Variants in C12orf50 observed in about 807,000 individuals in gnomAD.
C12orf50 encodes uncharacterized protein C12orf50.
C12orf50 carries 35 observed loss-of-function variants against 61.6 expected under a neutral mutation model. The ratio of observed to expected loss-of-function variants is 0.57; its 90% CI spans 0.43 to 0.75. The LOEUF is 0.75. Ranked by LOEUF, C12orf50 falls within the 30% of genes least tolerant of loss-of-function variation. The pLI is 0.00. For synonymous variants in C12orf50, 178 were observed against 161.5 expected (o/e 1.10, Z -0.77); for missense variants, 475 against 488.5 (o/e 0.97, Z 0.26).
intron 7 of C12orf50, among the ~76,000 whole-genome samples, chr12:87,994,363 C>T (rs2031282592): frequency 7.0e-6 from 1 of 143,598 alleles, no homozygotes; most frequent in Admixed American, 6.8e-5. Flanking sequence ...TACACACAGA[C>T]ACACACACAC....
chr12:88,013,209 G>GA (rs79216884), intron 3 of C12orf50, among the ~76,000 whole-genome samples: 10 of 151,498 alleles, frequency 6.6e-5, no homozygotes, highest in Non-Finnish European at 1.0e-4. Flanking sequence ...TTGGATGGGG[G>GA]AAAAAAAATA....
At chr12:88,019,590 A>G (rs2032438835) in intron 3 of C12orf50, among the ~76,000 whole-genome samples, 1 of 152,118 alleles carries the variant, frequency 6.6e-6, no homozygotes, top group Non-Finnish European at 1.5e-5. Flanking sequence ...ATCATATTCA[A>G]AATCATAAGG....
At chr12:87,995,527 G>T (rs1487434371) in intron 6 of C12orf50, among the ~76,000 whole-genome samples, 1 of 152,152 alleles carries the variant, frequency 6.6e-6, no homozygotes, top group Admixed American at 6.5e-5. Flanking sequence ...ACGTTTGAAG[G>T]AAATCTAGGT....
intron 4 of C12orf50, 32 bp downstream of exon 4, chr12:87,998,003 T>C (rs1380280269): frequency 6.4e-7 from 1 of 1,564,694 alleles, no homozygotes; most frequent in Non-Finnish European, 8.7e-7. Flanking sequence ...TTTTTGAATG[T>C]GTATTGTAAA....
intron 11 of C12orf50, chr12:87,984,099 G>T (rs1375135293): frequency 6.6e-6 from 1 of 151,494 alleles, no homozygotes; most frequent in African/African-American, 2.4e-5. Context: ...GTGTGAGATG[G>T]TATCTCGTTG....
At chr12:87,992,756 T>G (rs970561302) in intron 7 of C12orf50, among the ~76,000 whole-genome samples, 2 of 152,158 alleles carry the variant, frequency 1.3e-5, no homozygotes, top group African/African-American at 4.8e-5. Context: ...ATGGTTATAT[T>G]GATACATACA....
intron 3 of C12orf50, among the ~76,000 whole-genome samples, chr12:88,012,411 T>C (rs998005172): frequency 2.6e-5 from 4 of 152,210 alleles, no homozygotes; most frequent in Non-Finnish European, 5.9e-5. Flanking sequence ...GAATTATTTA[T>C]AACTAAACAA....
chr12:87,993,452 C>T (rs751568887), intron 7 of C12orf50, among the ~76,000 whole-genome samples: 51 of 152,168 alleles, frequency 3.4e-4, no homozygotes, highest in Non-Finnish European at 4.4e-5. Context: ...AAACTTATTG[C>T]TTCAAGGCAA....
intron 4 of C12orf50, 147 bp from the exon 5 acceptor site, chr12:87,996,793 C>A (rs1225854238): frequency 1.6e-6 from 1 of 610,514 alleles, no homozygotes; most frequent in Non-Finnish European, 2.8e-6. Flanking sequence ...CATACTAGTA[C>A]ATGTTTCAAA....
chr12:87,988,366 T>G (rs2030945320), intron 8 of C12orf50, among the ~76,000 whole-genome samples: 1 of 152,208 alleles, frequency 6.6e-6, no homozygotes, highest in South Asian at 2.1e-4. Context: ...AGTAGGGCTT[T>G]CCACAATGAT....
chr12:88,005,912 G>GTTTTTTTTTTTTTTTTTTTTTT (rs371924944), intron 3 of C12orf50, among the ~76,000 whole-genome samples: 1 of 91,032 alleles, frequency 1.1e-5, no homozygotes, highest in African/African-American at 4.3e-5. Flanking sequence ...TGTTTTTTTG[G>GTTTTTTTTTTTTTTTTTTTTTT]TTTTTTTTTT....
At chr12:88,009,062 G>A (rs996445164) in intron 3 of C12orf50, among the ~76,000 whole-genome samples, 2 of 151,920 alleles carry the variant, frequency 1.3e-5, no homozygotes, top group African/African-American at 2.4e-5. Context: ...CACATTTGAC[G>A]GTTTCTAGCC....
At chr12:88,025,554 C>A (rs1353491723) in intron 3 of C12orf50, among the ~76,000 whole-genome samples, 1 of 152,122 alleles carries the variant, frequency 6.6e-6, no homozygotes, top group Non-Finnish European at 1.5e-5. Context: ...TTTAACCCAA[C>A]CAGCATGGTT....
rs112913565 is a variant in C12orf50 at position 87,991,741 on chromosome 12, C to T, written c.593-2370G>A. 7.9e-5 allele frequency among the ~76,000 whole-genome samples: 12 copies of T among 152,196 alleles called. 1 individual carries two copies. Among genetic ancestry groups the T allele is most frequent in the African/African-American group, 2.9e-4 (12 of 41,536 alleles). Reference sequence around the variant, plus strand: ...GGCTAAAGTTAAAGGACTGAAAATACTAATTGTGGGTAAGGATACAGAGCA... The same window carrying T: ...GGCTAAAGTTAAAGGACTGAAAATATTAATTGTGGGTAAGGATACAGAGCA... On this transcript the variant is annotated intron_variant, in intron 7 of 12. Coordinates refer to ENST00000298699, the MANE Select transcript of C12orf50 (RefSeq NM_152589.3).
chr12:88,004,766 CG>C (rs1291075941), intron 3 of C12orf50, among the ~76,000 whole-genome samples: 1 of 152,136 alleles, frequency 6.6e-6, no homozygotes, highest in Admixed American at 6.5e-5. Context: ...TTATCCTAAG[CG>C]AACTGACACA....
intron 3 of C12orf50, among the ~76,000 whole-genome samples, chr12:88,010,779 C>G (rs1210476438): frequency 6.6e-6 from 1 of 151,578 alleles, no homozygotes; most frequent in Non-Finnish European, 1.5e-5. Context: ...AGAAACTACC[C>G]AATTAGAAAT....
chr12:87,983,433 G>A (rs967770315), intron 11 of C12orf50: 3 of 241,932 alleles, frequency 1.2e-5, no homozygotes, highest in African/African-American at 2.3e-5. Context: ...GGGTACATGT[G>A]CACAATGTGC....
Position 87,994,733 on chromosome 12 carries a change from AAGAC to A in C12orf50, c.488_491del (p.Ser163IlefsTer16). On this transcript the variant is annotated frameshift_variant, in exon 7 of 13. Coordinates refer to ENST00000298699, the MANE Select transcript of C12orf50 (RefSeq NM_152589.3). LOFTEE classifies it high-confidence loss of function. ...ATTGGCTAAGTTTTGTCGGAACTGTAAGACTATCTCCTAGAAATAAGAAGAAAAA... is the reference window on the plus strand; with the variant it reads ...ATTGGCTAAGTTTTGTCGGAACTGTATATCTCCTAGAAATAAGAAGAAAAA... 8 of 1,607,664 alleles carry A rather than the reference AAGAC, an allele frequency of 5.0e-6. No homozygotes were observed. The highest frequency in any genetic ancestry group is 6.8e-6 in the Non-Finnish European group (8 of 1,174,626).
chr12:88,024,680 C>T (rs1233572005), intron 3 of C12orf50, among the ~76,000 whole-genome samples: 1 of 152,040 alleles, frequency 6.6e-6, no homozygotes, highest in Non-Finnish European at 1.5e-5. Flanking sequence ...ATGCTTATTA[C>T]CCAGGTGATG....
Sources: gnomAD v4.1 joint callset for allele counts (sites outside exome capture counted in the v4.1 genomes callset) on GRCh38, gnomAD v4.1.1 for gene constraint, MANE v1.5 for transcripts, NCBI Gene and HGNC (gene_info 2026-07-23, HGNC 2026-07-21) for gene names.